RAB3GAP2: variants seen among roughly 807,000 people sequenced by gnomAD.
The protein encoded by RAB3GAP2 is RAB3 GTPase activating non-catalytic protein subunit 2, also known as rab3 GTPase-activating protein non-catalytic subunit.
In RAB3GAP2, 87 loss-of-function variants were observed where a neutral mutation model predicts 185.3. The observed-to-expected ratio is 0.47, with a 90% CI of 0.39 to 0.56. RAB3GAP2 has a LOEUF of 0.56. Among genes scored for constraint, RAB3GAP2 ranks in the 20% least tolerant of loss-of-function variants. The pLI is 0.00. For missense variants in RAB3GAP2, 1,492 were observed against 1,638.2 expected (o/e 0.91, Z 1.54); for synonymous variants, 554 against 576.1 (o/e 0.96, Z 0.55).
At chr1:220,202,745 T>G (rs532394688) in intron 8 of RAB3GAP2, among the ~76,000 whole-genome samples, 12 of 152,166 alleles carry the variant, frequency 7.9e-5, no homozygotes, top group Admixed American at 7.2e-4. Context: ...GAGTTTGAGA[T>G]CAGCCTGGCC....
chr1:220,173,911 T>C lies in RAB3GAP2; in HGVS notation c.2311-1169A>G, dbSNP rs766443712. Among the ~76,000 whole-genome samples, 3 of 151,092 alleles carry C rather than the reference T, an allele frequency of 2.0e-5. No homozygotes were observed. The East Asian group carries it at 5.8e-4, about 29-fold the overall frequency. On this transcript the variant is annotated intron_variant, in intron 21 of 34. Coordinates refer to ENST00000358951, the MANE Select transcript of RAB3GAP2 (RefSeq NM_012414.4). The stretch of plus-strand genomic sequence containing the variant: ...GGCAGGTGCCTATAGTCCCAGCTAC[T>C]TGGGAGGCTGAGGCAGGAGAATCAC...
At chr1:220,170,169 C>T (rs1445372000) in intron 24 of RAB3GAP2, among the ~76,000 whole-genome samples, 1 of 152,102 alleles carries the variant, frequency 6.6e-6, no homozygotes, top group Non-Finnish European at 1.5e-5. Context: ...AACACAGGAA[C>T]AGAAAACCAA....
Position 220,154,065 on chromosome 1 carries a change from G to A in RAB3GAP2, c.3556-8C>T. ...GAAAAATGCATTTTTTCCCTAAAAA[G>A]AAAGAGAGCAAGAAAACTGATGAGT... On this transcript the variant is annotated splice_region_variant and splice_polypyrimidine_tract_variant and intron_variant, in intron 31 of 34. Transcript: ENST00000358951. The A allele has an allele frequency of 6.2e-7, 1 of 1,612,898 alleles. No homozygotes were observed. The highest frequency in any genetic ancestry group is 8.5e-7 in the Non-Finnish European group (1 of 1,179,482).
chr1:220,254,001 T>C (rs897733305), intron 1 of RAB3GAP2: 2 of 1,613,872 alleles, frequency 1.2e-6, no homozygotes, highest in Non-Finnish European at 8.5e-7. Flanking sequence ...ATCCTACTGT[T>C]GAAAATGAGG....
chr1:220,188,269 A>C (rs1658541724), intron 17 of RAB3GAP2, among the ~76,000 whole-genome samples: 1 of 152,192 alleles, frequency 6.6e-6, no homozygotes, highest in Non-Finnish European at 1.5e-5. Context: ...TACTTGAAGG[A>C]GCTTAAAAGA....
chr1:220,174,557 T>C (rs1396218515), intron 21 of RAB3GAP2, among the ~76,000 whole-genome samples: 1 of 152,216 alleles, frequency 6.6e-6, no homozygotes, highest in African/African-American at 2.4e-5. Context: ...TTCTTTAAGC[T>C]ATTTTAAGAT....
intron 21 of RAB3GAP2, among the ~76,000 whole-genome samples, chr1:220,180,227 T>C (rs1375418269): frequency 6.6e-6 from 1 of 151,220 alleles, no homozygotes; most frequent in Non-Finnish European, 1.5e-5. Context: ...AAATAAACAA[T>C]CTAACAATGC....
chr1:220,262,340 T>C (rs1047455987), intron 1 of RAB3GAP2, among the ~76,000 whole-genome samples: 4 of 151,746 alleles, frequency 2.6e-5, no homozygotes, highest in African/African-American at 9.7e-5. Flanking sequence ...CAAAAAAACA[T>C]AAAATTTATC....
At chr1:220,206,570 C>T (rs555603358) in intron 7 of RAB3GAP2, among the ~76,000 whole-genome samples, 3 of 152,296 alleles carry the variant, frequency 2.0e-5, no homozygotes, top group African/African-American at 7.2e-5. Context: ...TGGCCTCCTG[C>T]TTCCACTCTT....
chr1:220,185,133 G>A (rs7556527), intron 18 of RAB3GAP2, among the ~76,000 whole-genome samples: 97 of 152,256 alleles, frequency 6.4e-4, no homozygotes, highest in African/African-American at 2.3e-3. Context: ...TACTAGTTCA[G>A]TTGGATGGAA....
intron 9 of RAB3GAP2, chr1:220,200,429 G>T (rs1658827604): frequency 2.7e-6 from 1 of 376,982 alleles, no homozygotes; most frequent in South Asian, 2.1e-5. Flanking sequence ...TCAGGGTGGG[G>T]TCCTATCTTG....
At chr1:220,225,990 C>T (rs1659395620) in intron 2 of RAB3GAP2, among the ~76,000 whole-genome samples, 1 of 152,306 alleles carries the variant, frequency 6.6e-6, no homozygotes, top group African/African-American at 2.4e-5. Context: ...CTCCATCTGA[C>T]CAGCACCCTG....
Position 220,171,964 on chromosome 1 carries a change from A to T in RAB3GAP2, c.2502T>A (p.Asn834Lys). ...CATGCGCAGACAACAGAGCGGCTCC[A>T]TTGTTCTCAGACTGAATACAGGCTG... The part of the protein sequence containing the change: ...MRTACIQSEN[N>K]GAALLSAHVG... The change falls in exon 23 of 35, where the codon AAT (asparagine) becomes AAA (lysine). Residue 834 changes from asparagine (N) to lysine (K), a missense_variant. Coordinates refer to ENST00000358951, the MANE Select transcript of RAB3GAP2 (RefSeq NM_012414.4). The T allele has an allele frequency of 6.2e-7, 1 of 1,614,170 alleles. No individual in the cohort carries two copies. The highest frequency in any genetic ancestry group is 1.1e-5 in the South Asian group (1 of 91,078).
At chr1:220,244,089 C>A (rs755572756) in intron 1 of RAB3GAP2, among the ~76,000 whole-genome samples, 2 of 152,110 alleles carry the variant, frequency 1.3e-5, no homozygotes, top group Non-Finnish European at 2.9e-5. Flanking sequence ...GAAATAAAGG[C>A]CATCCAAATT....
chr1:220,155,904 C>G (rs1327266550), intron 31 of RAB3GAP2, among the ~76,000 whole-genome samples: 1 of 151,886 alleles, frequency 6.6e-6, no homozygotes, highest in East Asian at 1.9e-4. Context: ...CTTTTAAGTA[C>G]TCTTATCGCT....
At position 220,272,440 on chromosome 1, in the gene RAB3GAP2, G is replaced by A; in HGVS notation, c.-103C>T. 2.6e-6 allele frequency: 2 copies of A among 764,594 alleles called. No homozygotes were observed. Among genetic ancestry groups the A allele is most frequent in the Non-Finnish European group, 4.6e-6 (2 of 436,276 alleles). The allele number at this position is 764,594 out of a possible 1,614,324, so 47.4% of individuals were successfully genotyped here. ...GAGCCCCAATAGCTCTAGCCAAGCA[G>A]AAGGCGGAGAAACCAAACCGGAAGC... On this transcript the variant is annotated 5_prime_UTR_variant, in exon 1 of 35. Transcript: ENST00000358951.
At chr1:220,227,989 G>GCCTC (rs1231512259) in intron 2 of RAB3GAP2, among the ~76,000 whole-genome samples, 1 of 152,150 alleles carries the variant, frequency 6.6e-6, no homozygotes, top group African/African-American at 2.4e-5. Flanking sequence ...CTGACCTCAA[G>GCCTC]TGATCTGACC....
At chr1:220,269,453 G>A (rs1255463986) in intron 1 of RAB3GAP2, among the ~76,000 whole-genome samples, 2 of 152,212 alleles carry the variant, frequency 1.3e-5, no homozygotes, top group African/African-American at 4.8e-5. Flanking sequence ...GCTGGGTGTG[G>A]TGGCTCATGA....
At position 220,149,334 on chromosome 1, in the gene RAB3GAP2, TC is replaced by T. The variant is rs1029291767; in HGVS notation, c.*1916del. 2.0e-5 allele frequency: 3 copies of T among 152,178 alleles called. No individual in the cohort carries two copies. Among genetic ancestry groups the T allele is most frequent in the African/African-American group, 7.2e-5 (3 of 41,446 alleles). 9.4% of individuals were successfully genotyped at this position (152,178 alleles called of 1,614,324 possible). A position where few individuals can be genotyped will look rare whatever the true frequency, so the allele number is the denominator to read the frequency against. On this transcript the variant is annotated 3_prime_UTR_variant, in exon 35 of 35. Coordinates refer to ENST00000358951, the MANE Select transcript of RAB3GAP2 (RefSeq NM_012414.4). The stretch of plus-strand genomic sequence containing the variant: ...TTCAGCTTATTATTGTTCTCAGCAA[TC>T]CCCAGATTTGATTGTCTGTTCTACC...
Sources: gnomAD v4.1 joint callset for allele counts (sites outside exome capture counted in the v4.1 genomes callset) on GRCh38, gnomAD v4.1.1 for gene constraint, MANE v1.5 for transcripts, NCBI Gene and HGNC (gene_info 2026-07-23, HGNC 2026-07-21) for gene names.